Variants in NT5DC1 observed in about 807,000 individuals in gnomAD.
NT5DC1 encodes the protein 5'-nucleotidase domain containing 1, also known as 5'-nucleotidase domain-containing protein 1.
In NT5DC1, 42 loss-of-function variants were observed where a neutral mutation model predicts 59.4. That is an observed-to-expected ratio of 0.71 (90% CI 0.55 to 0.92). The LOEUF (loss-of-function observed/expected upper bound fraction) is 0.92. Ranked by LOEUF, NT5DC1 falls within the 40% of genes least tolerant of loss-of-function variation. The probability of loss-of-function intolerance (pLI) is 0.00; values close to 1 mark genes in which losing one functional copy is unlikely to be tolerated. For synonymous variants in NT5DC1, 172 were observed against 188.1 expected, an observed-to-expected ratio of 0.91 and a Z score of 0.70; for missense variants, 501 against 537.1, an observed-to-expected ratio of 0.93 and a Z score of 0.66.
chr6:116,166,123 A>C (rs1315279796), intron 6 of NT5DC1, among the ~76,000 whole-genome samples: 1 of 151,614 alleles, frequency 6.6e-6, no homozygotes, highest in Admixed American at 6.6e-5. Flanking sequence ...AAGCACCCCA[A>C]CCTACCCTTC....
intron 3 of NT5DC1, 131 bp downstream of exon 3, chr6:116,108,566 A>C (rs1027712341): frequency 1.6e-6 from 1 of 628,820 alleles, no homozygotes; most frequent in Non-Finnish European, 2.9e-6. Context: ...TTGTCTGTCT[A>C]CATGTCTTTG....
chr6:116,118,395 A>G (rs1463728583), intron 6 of NT5DC1, among the ~76,000 whole-genome samples: 1 of 152,200 alleles, frequency 6.6e-6, no homozygotes, highest in African/African-American at 2.4e-5. Flanking sequence ...TCTTGAGCCC[A>G]GAGTTTTACC....
chr6:116,188,278 G>C (rs377015114), intron 6 of NT5DC1, among the ~76,000 whole-genome samples: 4 of 152,110 alleles, frequency 2.6e-5, no homozygotes, highest in African/African-American at 9.6e-5. Context: ...GAAAATTGTT[G>C]AGTATTATCC....
At chr6:116,207,630 G>T (rs1781484456) in intron 6 of NT5DC1, among the ~76,000 whole-genome samples, 1 of 151,844 alleles carries the variant, frequency 6.6e-6, no homozygotes, top group African/African-American at 2.4e-5. Flanking sequence ...TTGGAAGCAG[G>T]CAGTGTGAAA....
intron 6 of NT5DC1, among the ~76,000 whole-genome samples, chr6:116,163,133 A>ATAT (rs1780377098): frequency 1.1e-5 from 1 of 92,582 alleles, no homozygotes; most frequent in Admixed American, 1.0e-4. Flanking sequence ...TCTCAAAAAA[A>ATAT]AAAAAAAAAT....
chr6:116,110,641 C>T, intron 3 of NT5DC1: 1 of 646,566 alleles, frequency 1.5e-6, no homozygotes, highest in African/African-American at 1.8e-5. Flanking sequence ...TAATCACCTG[C>T]TACTTGATGG....
intron 6 of NT5DC1, among the ~76,000 whole-genome samples, chr6:116,138,516 TTCAGAA>T: frequency 6.6e-6 from 1 of 152,224 alleles, no homozygotes; most frequent in African/African-American, 2.4e-5. Context: ...AATGGGCTAG[TTCAGAA>T]TTTGCTAATT....
chr6:116,120,993 C>T (rs767754890), intron 6 of NT5DC1: 2 of 1,614,000 alleles, frequency 1.2e-6, no homozygotes, highest in South Asian at 1.1e-5. Flanking sequence ...TCACCCTTAG[C>T]CCCAGGGTAT....
rs757924218 is a variant in NT5DC1 at position 116,110,930 on chromosome 6, C to T, written c.338C>T (p.Ser113Leu). The T allele has an allele frequency of 9.3e-6, 15 of 1,612,916 alleles. No individual in the cohort carries two copies. Among genetic ancestry groups the T allele is most frequent in the African/African-American group, 1.3e-5 (1 of 74,892 alleles). The change falls in exon 4 of 12, where the codon TCG becomes TTG. Residue 113 changes from serine (S) to leucine (L), a missense_variant. By Grantham distance (145) the Ser-to-Leu change is moderately radical. Coordinates refer to ENST00000319550, the MANE Select transcript of NT5DC1 (RefSeq NM_152729.3). ...AAGAAAGAGTGGAAGCACTTCTTGT[C>T]GGACACTGGAATGGCTTGCCGCTCA... is the stretch of plus-strand genomic sequence containing the variant. ...YGKKEWKHFLSDTGMACRSGK... is the reference protein window; with the variant it reads ...YGKKEWKHFLLDTGMACRSGK...
At position 116,103,376 on chromosome 6, in the gene NT5DC1, C is replaced by T. The variant is rs570335910; in HGVS notation, c.93+2353C>T. Among the ~76,000 whole-genome samples the T allele has an allele frequency of 4.6e-5, 7 of 151,830 alleles. No homozygotes were observed. The South Asian group carries it at 1.0e-3, about 23-fold the overall frequency. On this transcript the variant is annotated intron_variant, in intron 1 of 11. Coordinates refer to ENST00000319550, the MANE Select transcript of NT5DC1 (RefSeq NM_152729.3). ...TCACTGTTAAGAGAGCATCAAGCAA[C>T]GGGGCACAGAAGGAAAGTGTATCCA... is the stretch of plus-strand genomic sequence containing the variant.
intron 6 of NT5DC1, among the ~76,000 whole-genome samples, chr6:116,205,568 A>G (rs930874587): frequency 5.9e-5 from 9 of 151,802 alleles, no homozygotes; most frequent in African/African-American, 2.2e-4. Flanking sequence ...TAGTCTTCCC[A>G]AAGGAAATTC....
intron 8 of NT5DC1, among the ~76,000 whole-genome samples, chr6:116,235,958 G>A (rs1202646287): frequency 1.3e-5 from 2 of 152,140 alleles, no homozygotes; most frequent in Admixed American, 6.5e-5. Context: ...TCCTAGCAGG[G>A]ACTATGGTAA....
intron 6 of NT5DC1, among the ~76,000 whole-genome samples, chr6:116,184,262 G>C (rs1381987481): frequency 1.3e-5 from 2 of 152,078 alleles, no homozygotes; most frequent in Non-Finnish European, 2.9e-5. Context: ...ACTTGATCAT[G>C]ATTGATAATC....
intron 8 of NT5DC1, among the ~76,000 whole-genome samples, chr6:116,232,016 G>A (rs2114554059): frequency 6.6e-6 from 1 of 152,334 alleles, no homozygotes; most frequent in South Asian, 2.1e-4. Flanking sequence ...AGGCTGTGAA[G>A]TCTGAAACCA....
chr6:116,129,242 A>C (rs1259619604), intron 6 of NT5DC1, among the ~76,000 whole-genome samples: 1 of 152,176 alleles, frequency 6.6e-6, no homozygotes, highest in African/African-American at 2.4e-5. Context: ...ATGTATACAC[A>C]TGTCTATATT....
intron 6 of NT5DC1, among the ~76,000 whole-genome samples, chr6:116,165,891 A>G (rs1780451059): frequency 6.6e-6 from 1 of 152,180 alleles, no homozygotes; most frequent in Non-Finnish European, 1.5e-5. Context: ...TTCCCCATGC[A>G]GGGTAGTAGC....
At chr6:116,174,631 T>C (rs1582852644) in intron 6 of NT5DC1, among the ~76,000 whole-genome samples, 2 of 152,324 alleles carry the variant, frequency 1.3e-5, no homozygotes, top group South Asian at 4.1e-4. Flanking sequence ...TTCAGGCATT[T>C]TCCCTTTACT....
intron 6 of NT5DC1, among the ~76,000 whole-genome samples, chr6:116,122,747 G>T (rs1779170732): frequency 6.6e-6 from 1 of 152,140 alleles, no homozygotes; most frequent in African/African-American, 2.4e-5. Context: ...AAAACATTTG[G>T]TGTATATAAA....
chr6:116,136,857 A>C (rs1396897411), intron 6 of NT5DC1, among the ~76,000 whole-genome samples: 1 of 152,166 alleles, frequency 6.6e-6, no homozygotes, highest in Non-Finnish European at 1.5e-5. Flanking sequence ...CAAATGCAAA[A>C]ATCTGAAACC....
Sources: gnomAD v4.1 joint callset for allele counts (sites outside exome capture counted in the v4.1 genomes callset) on GRCh38, gnomAD v4.1.1 for gene constraint, MANE v1.5 for transcripts, NCBI Gene and HGNC (gene_info 2026-07-23, HGNC 2026-07-21) for gene names.